POLR1B: variants seen among roughly 807,000 people sequenced by gnomAD.
The protein encoded by POLR1B is RNA polymerase I subunit B.
A neutral mutation model predicts 105.8 loss-of-function variants in POLR1B; 30 were observed. That is an observed-to-expected ratio of 0.28 (90% CI 0.21 to 0.38). The LOEUF (loss-of-function observed/expected upper bound fraction) is 0.38, where lower values mean the gene tolerates loss of function less well. Ranked by LOEUF, POLR1B falls within the 10% of genes least tolerant of loss-of-function variation. The pLI, the probability that POLR1B is intolerant of heterozygous loss-of-function variation, is 1.00. For synonymous variants in POLR1B, 485 were observed against 505.1 expected, an observed-to-expected ratio of 0.96 and a Z score of 0.53; for missense variants, 976 against 1,435.8, an observed-to-expected ratio of 0.68 and a Z score of 5.17.
intron 5 of POLR1B, among the ~76,000 whole-genome samples, chr2:112,551,269 A>G (rs1008263177): frequency 6.6e-6 from 1 of 152,174 alleles, no homozygotes; most frequent in Non-Finnish European, 1.5e-5. Flanking sequence ...ACAGGACTGC[A>G]GTCATTTTCA....
intron 7 of POLR1B, among the ~76,000 whole-genome samples, chr2:112,555,286 G>T (rs1228783756): frequency 2.7e-5 from 4 of 150,864 alleles, no homozygotes; most frequent in African/African-American, 9.8e-5. Context: ...CTGCAATAAG[G>T]GGTGATTTTG....
chr2:112,543,485 A>G (rs1156713201), intron 1 of POLR1B, among the ~76,000 whole-genome samples: 1 of 152,184 alleles, frequency 6.6e-6, no homozygotes, highest in Non-Finnish European at 1.5e-5. Flanking sequence ...CAGGAGTTTG[A>G]GAAAGGGCAG....
intron 8 of POLR1B, among the ~76,000 whole-genome samples, chr2:112,559,091 C>T (rs1354467648): frequency 6.6e-6 from 1 of 152,014 alleles, no homozygotes; most frequent in Non-Finnish European, 1.5e-5. Flanking sequence ...CTAGTTGGGG[C>T]TAATACAGTT....
intron 14 of POLR1B, among the ~76,000 whole-genome samples, chr2:112,574,141 G>C (rs1210315908): frequency 1.3e-5 from 2 of 152,022 alleles, no homozygotes; most frequent in African/African-American, 2.4e-5. Context: ...CACCATCCCT[G>C]GCCTATTTGT....
intron 7 of POLR1B, among the ~76,000 whole-genome samples, chr2:112,555,961 A>G (rs1028073297): frequency 6.6e-6 from 1 of 152,256 alleles, no homozygotes; most frequent in African/African-American, 2.4e-5. Context: ...TAGATTAACC[A>G]TAAAACACTT....
intron 12 of POLR1B, 52 bp from the exon 13 acceptor site, chr2:112,572,510 A>C (rs1037570173): frequency 7.3e-7 from 1 of 1,365,214 alleles, no homozygotes; most frequent in African/African-American, 1.5e-5. Flanking sequence ...TATCACACCT[A>C]TAATCAAGAT....
chr2:112,557,963 T>C lies in POLR1B; in HGVS notation c.1212T>C (p.Ala404=), dbSNP rs377316224. Residue 404 remains alanine, a synonymous_variant, in exon 8 of 15, where the codon GCT becomes GCC. Coordinates refer to ENST00000263331, the MANE Select transcript of POLR1B (RefSeq NM_019014.6). ...TTAAAATAGCTTTTGATAAGAAGGC[T>C]CAGAAGACCAGTGTTTCCATGAACA... ...VSIKIAFDKK[A]QKTSVSMNTD... is the part of the protein sequence containing the mutation. The C allele has an allele frequency of 4.2e-6, 6 of 1,416,088 alleles. No individual in the cohort carries two copies. The highest frequency in any genetic ancestry group is 2.9e-5 in the African/African-American group (2 of 68,474). The allele number at this position is 1,416,088 out of a possible 1,614,324, so 87.7% of individuals were successfully genotyped here. A position where few individuals can be genotyped will look rare whatever the true frequency, so the allele number is the denominator to read the frequency against.
intron 4 of POLR1B, 78 bp from the exon 5 acceptor site, chr2:112,550,788 A>C: frequency 2.0e-6 from 3 of 1,474,246 alleles, no homozygotes; most frequent in Non-Finnish European, 2.8e-6. Context: ...TAAGAGGTTA[A>C]GATTGTTCAG....
rs1426885481 is a variant in POLR1B, at chr2:112,542,503, T to G, written c.9T>G (p.Pro3=). MD[P]GSRWRNLPSG... ...GGTGTGCAGGTGGCCACATGGATCCTGGCAGCCGGTGGCGGAACCTGCCCA... is the reference window on the plus strand; with the variant it reads ...GGTGTGCAGGTGGCCACATGGATCCGGGCAGCCGGTGGCGGAACCTGCCCA... Residue 3 remains proline (P), a synonymous_variant, in exon 1 of 15, where the codon CCT becomes CCG. Transcript: ENST00000263331. 1.2e-6 allele frequency: 2 copies of G among 1,613,636 alleles called. No homozygotes were observed. Among genetic ancestry groups the G allele is most frequent in the South Asian group, 2.2e-5 (2 of 91,052 alleles).
In POLR1B at chr2:112,576,620, C is replaced by T. The variant is rs1684873277; in HGVS notation, c.*891C>T. 1 of 152,176 alleles carries T rather than the reference C, an allele frequency of 6.6e-6. No homozygotes were observed. The highest frequency in any genetic ancestry group is 6.5e-5 in the Admixed American group (1 of 15,270). 9.4% of individuals were successfully genotyped at this position (152,176 alleles called of 1,614,324 possible). A position where few individuals can be genotyped will look rare whatever the true frequency, so the allele number is the denominator to read the frequency against. On this transcript the variant is annotated 3_prime_UTR_variant, in exon 15 of 15. Coordinates refer to ENST00000263331, the MANE Select transcript of POLR1B (RefSeq NM_019014.6). ...CATGCAATATTTGTCCTGTGACTGG[C>T]TTATTTCACTTAGCATAGTGAAATA...
Position 112,577,693 on chromosome 2 carries a change from G to A in POLR1B, c.*1964G>A, listed in dbSNP as rs1356668497. 6.6e-6 allele frequency among the ~76,000 whole-genome samples: 1 copy of A among 150,922 alleles called. No homozygotes were observed. Among genetic ancestry groups the A allele is most frequent in the Non-Finnish European group, 1.5e-5 (1 of 67,802 alleles). ...CCAGCTCTACAAAAAAAATTAGCCT[G>A]GTGTGGTGGCACATGCCTGTAGTTC... is the stretch of plus-strand genomic sequence containing the variant. On this transcript the variant is annotated 3_prime_UTR_variant, in exon 15 of 15. Transcript: ENST00000263331.
rs181476051 is a variant in POLR1B at position 112,553,261 on chromosome 2, C to T, written c.1158+445C>T. 243 of 152,778 alleles carry T rather than the reference C, an allele frequency of 1.6e-3. 1 individual carries two copies. Among genetic ancestry groups the T allele is most frequent in the Non-Finnish European group, 1.9e-3 (131 of 68,434 alleles). The allele number at this position is 152,778 out of a possible 1,614,324, so 9.5% of individuals were successfully genotyped here. A position where few individuals can be genotyped will look rare whatever the true frequency, so the allele number is the denominator to read the frequency against. On this transcript the variant is annotated intron_variant, in intron 7 of 14. Coordinates refer to ENST00000263331, the MANE Select transcript of POLR1B (RefSeq NM_019014.6). Reference sequence around the variant, plus strand: ...ATGTTACAGCTGAGGCGGGGCAGGGCGATGCTCTGCTTTCCGGTTTCAGCT... The same window carrying T: ...ATGTTACAGCTGAGGCGGGGCAGGGTGATGCTCTGCTTTCCGGTTTCAGCT...
chr2:112,546,267 G>A (rs373969690), intron 1 of POLR1B, among the ~76,000 whole-genome samples: 2 of 152,136 alleles, frequency 1.3e-5, no homozygotes, highest in Non-Finnish European at 1.5e-5. Flanking sequence ...TCAGTTTGAC[G>A]TTGCCATTGT....
At chr2:112,547,259 A>G in intron 2 of POLR1B, 80 bp downstream of exon 2, 2 of 1,545,674 alleles carry the variant, frequency 1.3e-6, no homozygotes, top group Non-Finnish European at 1.8e-6. Flanking sequence ...AGTTTATGCC[A>G]GAAATTGCTT....
intron 1 of POLR1B, among the ~76,000 whole-genome samples, chr2:112,546,497 T>A (rs6715645): frequency 0.8 from 118,543 of 148,590 alleles, 47,516 homozygotes; most frequent in Middle Eastern, 0.88. Flanking sequence ...CTAATAATGC[T>A]TTGTGGTTTT....
rs1436835146 is a variant in POLR1B at position 112,573,590 on chromosome 2, G to A, written c.2300G>A (p.Gly767Asp). ...GTGAATAAGGCCTCTTGGGAACGAG[G>A]CTTTGCCCATGGAAGTGTCTACAAG... ...MIVNKASWER[G>D]FAHGSVYKSE... The change falls in exon 14 of 15, where the codon GGC becomes GAC. Residue 767 changes from glycine to aspartate, a missense_variant. Gly to Asp is a moderately conservative substitution (Grantham distance 94, BLOSUM62 -1). Around this residue, in one of 12 missense-constraint regions of POLR1B, gnomAD observed 119 missense variants for 149.7 expected, o/e 0.79. Transcript: ENST00000263331. The A allele has an allele frequency of 6.2e-7, 1 of 1,614,130 alleles. No individual in the cohort carries two copies.
chr2:112,559,910 G>C (rs1041327390), intron 9 of POLR1B, among the ~76,000 whole-genome samples: 1 of 152,102 alleles, frequency 6.6e-6, no homozygotes, highest in Non-Finnish European at 1.5e-5. Context: ...GATTACAGTT[G>C]TGAGCCACCG....
rs1684832572 is a variant in POLR1B, at chr2:112,575,741, C to G, written c.*12C>G. The G allele has an allele frequency of 6.3e-7, 1 of 1,598,792 alleles. No homozygotes were observed. ...TGGATGTTGTTTAACTTGATGTTGACCTTTTGGATTAAGAGGACTATCAGA... is the reference window on the plus strand; with the variant it reads ...TGGATGTTGTTTAACTTGATGTTGAGCTTTTGGATTAAGAGGACTATCAGA... On this transcript the variant is annotated 3_prime_UTR_variant, in exon 15 of 15. Transcript: ENST00000263331. The surrounding 1 kb of genome is among the most constrained non-coding windows in gnomAD (Gnocchi z 5.3).
In POLR1B at chr2:112,579,080, C is replaced by T. The variant is rs181213438; in HGVS notation, c.*3351C>T. 4.0e-5 allele frequency among the ~76,000 whole-genome samples: 6 copies of T among 151,834 alleles called. No individual in the cohort carries two copies. Among genetic ancestry groups the T allele is most frequent in the African/African-American group, 9.7e-5 (4 of 41,400 alleles). ...AAAATTAGCTGGGTGTGATGGCACA[C>T]GCCTGTAATCCCAGCTACTCAGGAG... On this transcript the variant is annotated 3_prime_UTR_variant, in exon 15 of 15. Transcript: ENST00000263331.
Sources: gnomAD v4.1 joint callset for allele counts (sites outside exome capture counted in the v4.1 genomes callset) on GRCh38, gnomAD v4.1.1 for gene constraint, gnomAD v4.1.1 regional missense constraint, Gnocchi (gnomAD v3.1) non-coding constraint, MANE v1.5 for transcripts, NCBI Gene and HGNC (gene_info 2026-07-23, HGNC 2026-07-21) for gene names.